The following KCNN2 variants were observed in gnomAD, a reference collection of about 807,000 sequenced individuals.
KCNN2 encodes small conductance calcium-activated potassium channel protein 2.
Under a neutral mutation model 55.5 loss-of-function variants are expected in KCNN2, and 24 were observed. The ratio of observed to expected loss-of-function variants is 0.43; its 90% CI spans 0.31 to 0.61. The LOEUF is 0.61. Among genes scored for constraint, KCNN2 ranks in the 20% least tolerant of loss-of-function variants. The pLI, the probability that KCNN2 is intolerant of heterozygous loss-of-function variation, is 0.08. For synonymous variants in KCNN2, 431 were observed against 336.1 expected, an observed-to-expected ratio of 1.28 and a Z score of -3.09; for missense variants, 754 against 853.6, an observed-to-expected ratio of 0.88 and a Z score of 1.45.
upstream of KCNN2, among the ~76,000 whole-genome samples, chr5:114,358,444 A>G (rs111596939): frequency 2.0e-3 from 306 of 152,338 alleles, 1 homozygote; most frequent in African/African-American, 7.1e-3. Context: ...GTTGTAGGCC[A>G]TAAGAAAAAA....
At chr5:114,220,532 A>G (rs1429774547) in intron 1 of KCNN2, among the ~76,000 whole-genome samples, 1 of 152,164 alleles carries the variant, frequency 6.6e-6, no homozygotes, top group Non-Finnish European at 1.5e-5. Flanking sequence ...TCTGAAAGGG[A>G]TACAGAAATG....
intron 1 of KCNN2, among the ~76,000 whole-genome samples, chr5:114,164,161 GA>G (rs2112535298): frequency 6.6e-6 from 1 of 152,224 alleles, no homozygotes; most frequent in African/African-American, 2.4e-5. Flanking sequence ...TGTAGTATAA[GA>G]AATCCAACTT....
intron 1 of KCNN2, among the ~76,000 whole-genome samples, chr5:114,089,269 A>C (rs1410742598): frequency 6.6e-6 from 1 of 152,162 alleles, no homozygotes; most frequent in Non-Finnish European, 1.5e-5. Context: ...TTGAGACTTA[A>C]GCTTTGTTTG....
intron 2 of KCNN2, among the ~76,000 whole-genome samples, chr5:114,277,186 G>C (rs1253539533): frequency 1.3e-5 from 2 of 152,168 alleles, no homozygotes; most frequent in East Asian, 3.9e-4. Flanking sequence ...CTGGCTTGTA[G>C]GGTTTCTGCA....
intron 3 of KCNN2, among the ~76,000 whole-genome samples, chr5:114,438,766 C>G (rs1469514513): frequency 6.6e-6 from 1 of 152,188 alleles, no homozygotes; most frequent in African/African-American, 2.4e-5. Flanking sequence ...CCTGGTGCCT[C>G]TTTAAGTTCT....
intron 2 of KCNN2, among the ~76,000 whole-genome samples, chr5:114,338,214 C>T (rs530276512): frequency 9.2e-5 from 14 of 152,258 alleles, no homozygotes; most frequent in Admixed American, 2.0e-4. Context: ...AATGCTATTT[C>T]TATCTTAAAT....
intron 2 of KCNN2, among the ~76,000 whole-genome samples, chr5:114,374,880 A>C (rs1219831233): frequency 2.0e-5 from 3 of 152,142 alleles, no homozygotes; most frequent in Non-Finnish European, 4.4e-5. Flanking sequence ...CGTAGTGATT[A>C]TCTGGTTTTA....
At chr5:114,338,689 G>A (rs1756966542) in intron 2 of KCNN2, among the ~76,000 whole-genome samples, 1 of 152,166 alleles carries the variant, frequency 6.6e-6, no homozygotes, top group Non-Finnish European at 1.5e-5. Flanking sequence ...GAATAGCACT[G>A]CAATGATAGC....
intron 6 of KCNN2, among the ~76,000 whole-genome samples, chr5:114,491,213 G>C (rs149516187): frequency 1.3e-5 from 2 of 152,092 alleles, no homozygotes; most frequent in African/African-American, 2.4e-5. Flanking sequence ...GGCCCTTCTA[G>C]CCTGACTTAC....
chr5:114,390,973 C>G (rs1052654723), intron 2 of KCNN2, among the ~76,000 whole-genome samples: 1 of 152,116 alleles, frequency 6.6e-6, no homozygotes, highest in African/African-American at 2.4e-5. Context: ...AGCAGCATAA[C>G]ATGGATTTAT....
chr5:114,304,634 A>G (rs546438864), intron 2 of KCNN2, among the ~76,000 whole-genome samples: 42 of 152,296 alleles, frequency 2.8e-4, no homozygotes, highest in African/African-American at 9.9e-4. Context: ...CTGTGCTGCA[A>G]TTCTCTTCTG....
chr5:114,464,601 G>C (rs1761354925), intron 4 of KCNN2, among the ~76,000 whole-genome samples: 1 of 152,128 alleles, frequency 6.6e-6, no homozygotes, highest in Non-Finnish European at 1.5e-5. Flanking sequence ...CCTTGGCATA[G>C]ACAGGCAACA....
intron 1 of KCNN2, among the ~76,000 whole-genome samples, chr5:114,149,358 G>T (rs1391211140): frequency 6.6e-6 from 1 of 152,146 alleles, no homozygotes; most frequent in African/African-American, 2.4e-5. Flanking sequence ...GCCAGATATT[G>T]CAGGATCTGG....
At chr5:114,113,232 T>C (rs536743356) in intron 1 of KCNN2, among the ~76,000 whole-genome samples, 1 of 152,196 alleles carries the variant, frequency 6.6e-6, no homozygotes, top group South Asian at 2.1e-4. Context: ...CTCTTGCTAC[T>C]CTTTAAGGCT....
At chr5:114,126,045 A>G (rs1247422515) in intron 1 of KCNN2, among the ~76,000 whole-genome samples, 1 of 152,154 alleles carries the variant, frequency 6.6e-6, no homozygotes, top group Non-Finnish European at 1.5e-5. Flanking sequence ...CTTGGGTTAT[A>G]CATACATAAC....
At chr5:114,275,782 C>A (rs922887647) in intron 2 of KCNN2, among the ~76,000 whole-genome samples, 1 of 152,028 alleles carries the variant, frequency 6.6e-6, no homozygotes, top group Non-Finnish European at 1.5e-5. Flanking sequence ...AAAACCAGCT[C>A]CTGGATTCAT....
chr5:114,311,149 GTATA>G (rs34210515), intron 2 of KCNN2, among the ~76,000 whole-genome samples: 1 of 151,826 alleles, frequency 6.6e-6, no homozygotes, highest in African/African-American at 2.4e-5. Context: ...CATCAAGCAT[GTATA>G]TATATATTTT....
At chr5:114,121,217 TATC>T (rs887304947) in intron 1 of KCNN2, among the ~76,000 whole-genome samples, 32 of 152,284 alleles carry the variant, frequency 2.1e-4, no homozygotes, top group South Asian at 2.1e-4. Flanking sequence ...GCACCTATGG[TATC>T]ATCCCAGGGT....
chr5:114,154,988 T>C (rs565020046), intron 1 of KCNN2, among the ~76,000 whole-genome samples: 2 of 151,950 alleles, frequency 1.3e-5, no homozygotes, highest in African/African-American at 4.8e-5. Context: ...ATCACCCAGG[T>C]ATTAAGACTA....
Sources: gnomAD v4.1 joint callset for allele counts (sites outside exome capture counted in the v4.1 genomes callset) on GRCh38, gnomAD v4.1.1 for gene constraint, MANE v1.5 for transcripts, NCBI Gene and HGNC (gene_info 2026-07-23, HGNC 2026-07-21) for gene names.